The following LGSN variants were observed in gnomAD, a reference collection of about 807,000 sequenced individuals.
The protein encoded by LGSN is lengsin.
In LGSN, 21 loss-of-function variants were observed where a neutral mutation model predicts 19.5. The observed-to-expected ratio is 1.07, with a 90% CI of 0.76 to 1.55. The LOEUF (loss-of-function observed/expected upper bound fraction) is 1.55. LGSN is among the 40% of genes most tolerant of loss of function. The probability of loss-of-function intolerance (pLI) is 0.00; values close to 1 mark genes in which losing one functional copy is unlikely to be tolerated. For missense variants in LGSN, 673 were observed against 608.5 expected (o/e 1.11, Z -1.12); for synonymous variants, 257 against 215.6 (o/e 1.19, Z -1.68).
the LGSN span, among the ~76,000 whole-genome samples, chr6:63,391,546 C>A: frequency 1.3e-5 from 2 of 152,206 alleles, no homozygotes; most frequent in African/African-American, 2.4e-5. Context: ...TGCCTTCTCT[C>A]CACCTCAAGG....
the LGSN span, among the ~76,000 whole-genome samples, chr6:63,488,824 G>T: frequency 6.9e-6 from 1 of 145,874 alleles, no homozygotes; most frequent in African/African-American, 2.5e-5. Flanking sequence ...TCTCAGAGAA[G>T]AATAAAATAA....
At chr6:63,561,726 C>T in the LGSN span, among the ~76,000 whole-genome samples, 20 of 152,276 alleles carry the variant, frequency 1.3e-4, no homozygotes, top group Admixed American at 1.2e-3. Flanking sequence ...ACTTTAATTT[C>T]CCAGGGAGCT....
chr6:63,526,864 C>T, the LGSN span, among the ~76,000 whole-genome samples: 2 of 139,110 alleles, frequency 1.4e-5, no homozygotes, highest in Middle Eastern at 3.9e-3. Context: ...TTAAGGGCTT[C>T]CATAGGATGC....
intron 3 of LGSN, among the ~76,000 whole-genome samples, chr6:63,283,774 C>T (rs905135278): frequency 6.6e-6 from 1 of 152,064 alleles, no homozygotes; most frequent in Non-Finnish European, 1.5e-5. Flanking sequence ...GATCTCGGCT[C>T]ACTGCAACCT....
At chr6:63,426,128 C>T in the LGSN span, among the ~76,000 whole-genome samples, 5 of 152,032 alleles carry the variant, frequency 3.3e-5, no homozygotes, top group African/African-American at 1.2e-4. Context: ...GGTGGCAGTG[C>T]CTTCAGGTCA....
the LGSN span, among the ~76,000 whole-genome samples, chr6:63,558,196 G>A: frequency 1.6e-3 from 241 of 152,050 alleles, no homozygotes; most frequent in Admixed American, 2.5e-3. Flanking sequence ...AATGCAGGGT[G>A]GATTAAATGG....
chr6:63,564,322 T>G, the LGSN span, among the ~76,000 whole-genome samples: 1 of 152,034 alleles, frequency 6.6e-6, no homozygotes, highest in South Asian at 2.1e-4. Context: ...CTATACTCAT[T>G]TTCTCTTATG....
the LGSN span, among the ~76,000 whole-genome samples, chr6:63,507,582 A>G: frequency 6.6e-6 from 1 of 152,190 alleles, no homozygotes; most frequent in South Asian, 2.1e-4. Context: ...CCAGTAAAAT[A>G]TCCAAAGCCA....
At chr6:63,486,682 CTTTTTTT>C in the LGSN span, among the ~76,000 whole-genome samples, 1 of 115,850 alleles carries the variant, frequency 8.6e-6, no homozygotes, top group African/African-American at 3.3e-5. Flanking sequence ...TTATTTTCTT[CTTTTTTT>C]TTTTTTTTTT....
At chr6:63,496,752 C>T in the LGSN span, among the ~76,000 whole-genome samples, 19 of 151,648 alleles carry the variant, frequency 1.3e-4, no homozygotes, top group African/African-American at 4.6e-4. Context: ...CATGCCCAGC[C>T]TACTCTTTAC....
chr6:63,464,344 T>C, the LGSN span, among the ~76,000 whole-genome samples: 3 of 152,144 alleles, frequency 2.0e-5, no homozygotes, highest in East Asian at 5.8e-4. Context: ...GCATGGAGTA[T>C]TTTTCTGATT....
chr6:63,464,146 TA>T, the LGSN span, among the ~76,000 whole-genome samples: 70,243 of 149,890 alleles, frequency 0.47, 18,111 homozygotes, highest in Non-Finnish European at 0.57. Context: ...TTTCCCTAAT[TA>T]AAAAAAAAAA....
At chr6:63,343,337 T>A in the LGSN span, among the ~76,000 whole-genome samples, 1 of 152,256 alleles carries the variant, frequency 6.6e-6, no homozygotes, top group Non-Finnish European at 1.5e-5. Flanking sequence ...ATCTGCCATT[T>A]AAGAGTTCCT....
chr6:63,296,353 T>C (rs1411023904), intron 1 of LGSN, among the ~76,000 whole-genome samples: 1 of 151,748 alleles, frequency 6.6e-6, no homozygotes, highest in Non-Finnish European at 1.5e-5. Context: ...CTTGCATAAA[T>C]TTTCCCAACA....
the LGSN span, among the ~76,000 whole-genome samples, chr6:63,557,333 A>G: frequency 2.0e-5 from 3 of 152,216 alleles, no homozygotes; most frequent in Admixed American, 2.0e-4. Context: ...TGGGAGGCCA[A>G]TGCAGGTGGA....
At chr6:63,399,485 C>T in the LGSN span, among the ~76,000 whole-genome samples, 17 of 151,126 alleles carry the variant, frequency 1.1e-4, no homozygotes, top group African/African-American at 3.7e-4. Context: ...ACCTCCGCCT[C>T]CCGGGTTCAA....
chr6:63,412,420 A>AAGAG, the LGSN span, among the ~76,000 whole-genome samples: 1,366 of 126,748 alleles, frequency 0.011, 47 homozygotes, highest in African/African-American at 0.023. Flanking sequence ...AGAAAGAAGA[A>AAGAG]AGAAAGAAAG....
the LGSN span, chr6:63,548,850 C>T: frequency 2.6e-6 from 2 of 760,052 alleles, no homozygotes; most frequent in Non-Finnish European, 4.8e-6. Context: ...CCTGATAGCT[C>T]CCACTAGCTT....
At chr6:63,327,693 C>A in the LGSN span, among the ~76,000 whole-genome samples, 2 of 152,076 alleles carry the variant, frequency 1.3e-5, no homozygotes, top group Admixed American at 1.3e-4. Flanking sequence ...GGACATTTAC[C>A]CTGGCTTTTA....
Sources: gnomAD v4.1 joint callset for allele counts (sites outside exome capture counted in the v4.1 genomes callset) on GRCh38, gnomAD v4.1.1 for gene constraint, MANE v1.5 for transcripts, NCBI Gene and HGNC (gene_info 2026-07-23, HGNC 2026-07-21) for gene names.